Variants in PCDH9 observed in about 807,000 individuals in gnomAD.
PCDH9 encodes the protein protocadherin-9.
Under a neutral mutation model 70.6 loss-of-function variants are expected in PCDH9, and 24 were observed. The observed-to-expected ratio is 0.34, with a 90% CI of 0.25 to 0.48. The LOEUF is 0.48. Ranked by LOEUF, PCDH9 falls within the 20% of genes least tolerant of loss-of-function variation. PCDH9 has a pLI of 0.99. For missense variants in PCDH9, 1,281 were observed against 1,503.6 expected (o/e 0.85, Z 2.45); for synonymous variants, 562 against 558.5 (o/e 1.01, Z -0.09).
chr13:66,928,483 C>T (rs1319909862), intron 2 of PCDH9, among the ~76,000 whole-genome samples: 1 of 152,118 alleles, frequency 6.6e-6, no homozygotes, highest in African/African-American at 2.4e-5. Flanking sequence ...CCATATTACA[C>T]ATTGCTATAG....
chr13:67,084,130 C>T (rs925340179), intron 2 of PCDH9, among the ~76,000 whole-genome samples: 1 of 152,174 alleles, frequency 6.6e-6, no homozygotes, highest in African/African-American at 2.4e-5. Flanking sequence ...CAGCTTGAAA[C>T]AGTAGCCAAA....
chr13:67,100,842 C>G (rs372148143), intron 2 of PCDH9, among the ~76,000 whole-genome samples: 1 of 151,930 alleles, frequency 6.6e-6, no homozygotes, highest in African/African-American at 2.4e-5. Flanking sequence ...AGGCTGCTGA[C>G]GAAATATCTA....
At chr13:67,059,714 A>C (rs2085499370) in intron 2 of PCDH9, among the ~76,000 whole-genome samples, 1 of 151,814 alleles carries the variant, frequency 6.6e-6, no homozygotes, top group Admixed American at 6.6e-5. Context: ...GAATGAAGAG[A>C]TGCATTTATT....
chr13:67,110,227 AAGAG>A lies in PCDH9; in HGVS notation c.3036+115174_3036+115177del, dbSNP rs1339419261. On this transcript the variant is annotated intron_variant, in intron 2 of 4. Transcript: ENST00000377865. ...TTAAAAAAAAAACAAAAAACAAAAAAAGAGAGAGAGATACGGCCGGGTGCAGTGG... is the reference window on the plus strand; with the variant it reads ...TTAAAAAAAAAACAAAAAACAAAAAAAGAGAGATACGGCCGGGTGCAGTGG... Among the ~76,000 whole-genome samples, 3 of 152,018 alleles carry A rather than the reference AAGAG, an allele frequency of 2.0e-5. No homozygotes were observed. In the East Asian group the frequency reaches 5.8e-4, roughly 29 times the overall value.
rs559163547 is a variant in PCDH9, at chr13:67,215,583, A to C, written c.3036+9822T>G. On this transcript the variant is annotated intron_variant, in intron 2 of 4. Transcript: ENST00000377865. The stretch of plus-strand genomic sequence containing the variant: ...TGTTTAGCTCACCTCTTGCCTTCTC[A>C]TTATTTCCTAATATGAAAAACCATG... The C allele has an allele frequency of 2.0e-5, 3 of 152,222 alleles. No homozygotes were observed. The East Asian group carries it at 5.8e-4, about 29-fold the overall frequency. 9.4% of individuals were successfully genotyped at this position (152,222 alleles called of 1,614,324 possible). A position where few individuals can be genotyped will look rare whatever the true frequency, so the allele number is the denominator to read the frequency against.
At chr13:66,730,873 TG>T in intron 3 of PCDH9, among the ~76,000 whole-genome samples, 1 of 32,682 alleles carries the variant, frequency 3.1e-5, no homozygotes, top group Non-Finnish European at 6.2e-5. Flanking sequence ...TTTGTGTGTG[TG>T]TGTTTTTTTT....
intron 3 of PCDH9, among the ~76,000 whole-genome samples, chr13:66,718,374 T>C (rs568096844): frequency 2.5e-3 from 378 of 152,258 alleles, no homozygotes; most frequent in African/African-American, 8.5e-3. Context: ...TCGGAGGGGT[T>C]AAATAATTTA....
intron 3 of PCDH9, among the ~76,000 whole-genome samples, chr13:66,759,494 T>C (rs971426790): frequency 1.3e-5 from 2 of 152,270 alleles, no homozygotes; most frequent in South Asian, 4.1e-4. Flanking sequence ...ATCTAATGAT[T>C]GGTAAATAAG....
chr13:66,781,789 A>G (rs1246225662), intron 3 of PCDH9, among the ~76,000 whole-genome samples: 1 of 152,192 alleles, frequency 6.6e-6, no homozygotes, highest in Non-Finnish European at 1.5e-5. Context: ...TACTTCAATC[A>G]TGAAGCTGGC....
chr13:66,947,060 T>A (rs1469176336), intron 2 of PCDH9, among the ~76,000 whole-genome samples: 2 of 152,144 alleles, frequency 1.3e-5, no homozygotes, highest in African/African-American at 4.8e-5. Flanking sequence ...TGCATAAGAT[T>A]CAGGTGTGTT....
At chr13:66,307,224 A>G (rs1955484210) in intron 4 of PCDH9, among the ~76,000 whole-genome samples, 1 of 151,826 alleles carries the variant, frequency 6.6e-6, no homozygotes, top group African/African-American at 2.4e-5. Flanking sequence ...TTTAATTTTA[A>G]TTTCCTCCCA....
chr13:66,427,282 C>T lies in PCDH9; in HGVS notation c.3341-122254G>A, dbSNP rs563336688. Among the ~76,000 whole-genome samples, 8 of 151,724 alleles carry T rather than the reference C, an allele frequency of 5.3e-5. No homozygotes were observed. In the East Asian group the frequency reaches 9.7e-4, roughly 18 times the overall value. On this transcript the variant is annotated intron_variant, in intron 4 of 4. Coordinates refer to ENST00000377865, the MANE Select transcript of PCDH9 (RefSeq NM_203487.3). ...GATTAAATGTTAATTATATGATTCT[C>T]AATTATCTATAATACTTCTTGACTG... is the stretch of plus-strand genomic sequence containing the variant.
intron 3 of PCDH9, among the ~76,000 whole-genome samples, chr13:66,806,876 C>CA (rs1335715774): frequency 1.3e-5 from 2 of 152,090 alleles, no homozygotes; most frequent in African/African-American, 4.8e-5. Context: ...TTGCACTTTT[C>CA]AAACGGAAAA....
intron 2 of PCDH9, among the ~76,000 whole-genome samples, chr13:67,118,619 A>G (rs17588668): frequency 0.065 from 9,909 of 152,254 alleles, 356 homozygotes; most frequent in African/African-American, 0.084. Flanking sequence ...TTGCAAGCCA[A>G]GCAAGGTAAA....
chr13:66,511,302 C>G (rs1181151481), intron 4 of PCDH9, among the ~76,000 whole-genome samples: 3 of 151,956 alleles, frequency 2.0e-5, no homozygotes, highest in Non-Finnish European at 4.4e-5. Flanking sequence ...TTCACATATA[C>G]TTGGATTAGA....
chr13:66,878,781 GATTAAGGAGGAAT>G, intron 3 of PCDH9, among the ~76,000 whole-genome samples: 1 of 152,176 alleles, frequency 6.6e-6, no homozygotes, highest in East Asian at 1.9e-4. Flanking sequence ...GGGGATTTGA[GATTAAGGAGGAAT>G]CTTGGTGGGC....
At chr13:67,152,255 T>C (rs2087681678) in intron 2 of PCDH9, among the ~76,000 whole-genome samples, 1 of 152,144 alleles carries the variant, frequency 6.6e-6, no homozygotes, top group South Asian at 2.1e-4. Flanking sequence ...TGAATTACAA[T>C]TTGGCAGCGC....
intron 2 of PCDH9, among the ~76,000 whole-genome samples, chr13:67,090,737 G>A (rs925464402): frequency 2.0e-5 from 3 of 152,012 alleles, no homozygotes; most frequent in Non-Finnish European, 4.4e-5. Flanking sequence ...ATGAGATTCT[G>A]AGGGTATATT....
At chr13:66,897,617 C>G (rs1467193659) in intron 3 of PCDH9, among the ~76,000 whole-genome samples, 8 of 152,054 alleles carry the variant, frequency 5.3e-5, no homozygotes, top group Admixed American at 5.3e-4. Flanking sequence ...AACCAACATT[C>G]ATGTTTCTAG....
Sources: gnomAD v4.1 joint callset for allele counts (sites outside exome capture counted in the v4.1 genomes callset) on GRCh38, gnomAD v4.1.1 for gene constraint, MANE v1.5 for transcripts, NCBI Gene and HGNC (gene_info 2026-07-23, HGNC 2026-07-21) for gene names.